RGS6: variants seen among roughly 807,000 people sequenced by gnomAD.
The protein encoded by RGS6 is regulator of G-protein signaling 6.
RGS6 carries 30 observed loss-of-function variants against 78.5 expected under a neutral mutation model. The ratio of observed to expected loss-of-function variants is 0.38; its 90% CI spans 0.29 to 0.52. RGS6 has a LOEUF of 0.52. Among genes scored for constraint, RGS6 ranks in the 20% least tolerant of loss-of-function variants. The pLI, the probability that RGS6 is intolerant of heterozygous loss-of-function variation, is 0.85. For missense variants in RGS6, 495 were observed against 609.7 expected, an observed-to-expected ratio of 0.81 and a Z score of 1.98; for synonymous variants, 206 against 206.0, an observed-to-expected ratio of 1.00 and a Z score of 0.00.
chr14:72,453,316 C>G lies in RGS6; in HGVS notation c.185-1212C>G, dbSNP rs79762040. ...ATTGGCTGGGGTTGGAGTAGACAAG[C>G]TTTAAAAGTTCCTTCAGGGCCGGGC... On this transcript the variant is annotated intron_variant, in intron 3 of 17. Coordinates refer to ENST00000553525, the MANE Select transcript of RGS6 (RefSeq NM_001204424.2). Among the ~76,000 whole-genome samples the G allele has an allele frequency of 4.4e-3, 667 of 152,100 alleles. 4 individuals are homozygous for G. Among genetic ancestry groups the G allele is most frequent in the African/African-American group, 0.015 (629 of 41,472 alleles).
At chr14:72,359,903 C>G (rs2081122680) in intron 3 of RGS6, among the ~76,000 whole-genome samples, 1 of 109,574 alleles carries the variant, frequency 9.1e-6, no homozygotes, top group African/African-American at 5.8e-5. Context: ...AGCAAAAATC[C>G]TTATTGGGTG....
At chr14:72,022,767 A>G (rs1197040175) in intron 2 of RGS6, among the ~76,000 whole-genome samples, 1 of 152,140 alleles carries the variant, frequency 6.6e-6, no homozygotes. Context: ...TAAAAGTCCA[A>G]ATGTTCTGGA....
At chr14:72,015,191 C>T (rs1436613323) in intron 2 of RGS6, among the ~76,000 whole-genome samples, 1 of 152,100 alleles carries the variant, frequency 6.6e-6, no homozygotes. Flanking sequence ...GAGGGGAAAC[C>T]AGTGTGAGCA....
In RGS6 at chr14:72,153,982, G is replaced by A. The variant is rs573609564; in HGVS notation, c.84+189107G>A. 1.5e-4 allele frequency among the ~76,000 whole-genome samples: 23 copies of A among 152,268 alleles called. No individual in the cohort carries two copies. In the South Asian group the frequency reaches 4.6e-3, roughly 30 times the overall value. ...AGCCTGAAGTTACTGCAGGAGACCA[G>A]GGCGTATCTCAGTCCTTATCTCAAC... On this transcript the variant is annotated intron_variant, in intron 2 of 17. Coordinates refer to ENST00000553525, the MANE Select transcript of RGS6 (RefSeq NM_001204424.2).
intron 3 of RGS6, among the ~76,000 whole-genome samples, chr14:72,387,269 G>A (rs956187677): frequency 2.6e-5 from 4 of 152,098 alleles, no homozygotes; most frequent in Non-Finnish European, 5.9e-5. Context: ...GGGAGAGGGG[G>A]CTGGGCGCGG....
chr14:72,362,036 G>A (rs1382614283), intron 3 of RGS6, among the ~76,000 whole-genome samples: 1 of 152,202 alleles, frequency 6.6e-6, no homozygotes, highest in Non-Finnish European at 1.5e-5. Flanking sequence ...TTCATCATGA[G>A]TCCAAGAGGG....
chr14:72,066,733 G>T (rs933632113), intron 2 of RGS6, among the ~76,000 whole-genome samples: 3 of 151,410 alleles, frequency 2.0e-5, no homozygotes, highest in Non-Finnish European at 4.4e-5. Flanking sequence ...TACAGTTTCC[G>T]ATACTGAATA....
At chr14:72,314,583 T>C (rs2069565914) in intron 2 of RGS6, among the ~76,000 whole-genome samples, 1 of 152,188 alleles carries the variant, frequency 6.6e-6, no homozygotes, top group Admixed American at 6.5e-5. Flanking sequence ...CAACAGTATA[T>C]ACTTTATAGT....
intron 12 of RGS6, among the ~76,000 whole-genome samples, chr14:72,488,460 C>T (rs1486188948): frequency 2.0e-5 from 3 of 152,246 alleles, no homozygotes; most frequent in Admixed American, 6.5e-5. Context: ...ACCAACATCA[C>T]CATGAGCTCT....
intron 2 of RGS6, among the ~76,000 whole-genome samples, chr14:72,158,716 G>A (rs996039595): frequency 6.6e-6 from 1 of 152,146 alleles, no homozygotes. Context: ...TAATAATAGA[G>A]CCAGTGAAAT....
chr14:72,429,494 G>A (rs1373943799), intron 3 of RGS6, among the ~76,000 whole-genome samples: 2 of 152,194 alleles, frequency 1.3e-5, no homozygotes, highest in East Asian at 3.9e-4. Context: ...ATGAAGGAGA[G>A]TAGAGGAGAG....
chr14:72,408,838 G>A (rs562933083), intron 3 of RGS6, among the ~76,000 whole-genome samples: 1 of 152,304 alleles, frequency 6.6e-6, no homozygotes, highest in East Asian at 1.9e-4. Flanking sequence ...AAAATGATGG[G>A]AGGATGGAGT....
chr14:72,451,936 G>A (rs554305970), intron 3 of RGS6, among the ~76,000 whole-genome samples: 1 of 152,202 alleles, frequency 6.6e-6, no homozygotes, highest in East Asian at 1.9e-4. Context: ...TATTTTAATA[G>A]AGACGGGGTT....
intron 3 of RGS6, among the ~76,000 whole-genome samples, chr14:72,362,874 C>A (rs2081730816): frequency 1.3e-5 from 2 of 152,194 alleles, no homozygotes; most frequent in South Asian, 4.1e-4. Context: ...CTACCACAGA[C>A]AATAATTGAG....
At chr14:72,075,532 T>C (rs2094544321) in intron 2 of RGS6, among the ~76,000 whole-genome samples, 2 of 152,218 alleles carry the variant, frequency 1.3e-5, no homozygotes, top group South Asian at 4.1e-4. Context: ...TAGAATGGGA[T>C]ACTTTTTATT....
chr14:72,415,349 A>G (rs2093724541), intron 3 of RGS6, among the ~76,000 whole-genome samples: 1 of 152,262 alleles, frequency 6.6e-6, no homozygotes, highest in African/African-American at 2.4e-5. Context: ...CAGGTGCAGG[A>G]TATAATCTCC....
the RGS6 span, among the ~76,000 whole-genome samples, chr14:72,626,069 G>C: frequency 6.6e-6 from 1 of 151,780 alleles, no homozygotes; most frequent in Non-Finnish European, 1.5e-5. Flanking sequence ...CTCACTCTTC[G>C]GTATAGTTAC....
At chr14:72,498,158 G>A (rs2096669435) in intron 13 of RGS6, among the ~76,000 whole-genome samples, 1 of 152,114 alleles carries the variant, frequency 6.6e-6, no homozygotes, top group South Asian at 2.1e-4. Flanking sequence ...TTCTTGGACT[G>A]TTCTTTTCTT....
At chr14:72,324,790 A>G (rs1490637632) in intron 2 of RGS6, among the ~76,000 whole-genome samples, 1 of 151,986 alleles carries the variant, frequency 6.6e-6, no homozygotes, top group African/African-American at 2.4e-5. Flanking sequence ...AGTCTTTGCT[A>G]TTGTGAATAG....
Sources: gnomAD v4.1 joint callset for allele counts (sites outside exome capture counted in the v4.1 genomes callset) on GRCh38, gnomAD v4.1.1 for gene constraint, MANE v1.5 for transcripts, NCBI Gene and HGNC (gene_info 2026-07-23, HGNC 2026-07-21) for gene names.